BBOF1: variants seen among roughly 807,000 people sequenced by gnomAD.
BBOF1 encodes basal body orientation factor 1, also known as basal body-orientation factor 1.
In BBOF1, 62 loss-of-function variants were observed where a neutral mutation model predicts 68.0. The ratio of observed to expected loss-of-function variants is 0.91; its 90% confidence interval spans 0.74 to 1.13. The LOEUF is 1.13. Among genes scored for constraint, BBOF1 ranks in the 50% most tolerant of loss-of-function variants. BBOF1 has a pLI of 0.00. For missense variants in BBOF1, 534 were observed against 600.1 expected (o/e 0.89, Z 1.15); for synonymous variants, 208 against 198.8 (o/e 1.05, Z -0.39).
intron 5 of BBOF1, among the ~76,000 whole-genome samples, chr14:74,045,577 G>A (rs2059930297): frequency 6.6e-6 from 1 of 152,148 alleles, no homozygotes; most frequent in African/African-American, 2.4e-5. Context: ...CCAAAATGTT[G>A]GGATTACAGG....
chr14:74,034,385 C>A (rs775286718), intron 4 of BBOF1, among the ~76,000 whole-genome samples: 3 of 152,154 alleles, frequency 2.0e-5, no homozygotes, highest in Non-Finnish European at 2.9e-5. Context: ...TGGGAACTCA[C>A]CAAATCTCAG....
At chr14:74,082,754 T>G (rs1010902272) in intron 12 of BBOF1, 2 of 152,176 alleles carry the variant, frequency 1.3e-5, no homozygotes, top group African/African-American at 4.8e-5. Flanking sequence ...CAACTCCTAG[T>G]TGGCTGAGGA....
chr14:74,036,509 C>T (rs1026946391), intron 4 of BBOF1, among the ~76,000 whole-genome samples: 1 of 151,836 alleles, frequency 6.6e-6, no homozygotes, highest in African/African-American at 2.4e-5. Flanking sequence ...ATGGCAAAAC[C>T]CTGTCTCTAC....
intron 1 of BBOF1, among the ~76,000 whole-genome samples, chr14:74,020,384 A>G (rs1282520118): frequency 1.3e-5 from 2 of 152,202 alleles, no homozygotes; most frequent in South Asian, 4.1e-4. Context: ...AATGAGGAAC[A>G]CTAAGGGTAA....
chr14:74,027,909 T>C (rs2059471097), intron 2 of BBOF1, among the ~76,000 whole-genome samples: 1 of 152,130 alleles, frequency 6.6e-6, no homozygotes, highest in African/African-American at 2.4e-5. Context: ...AGGGTTGTAT[T>C]GTAGACAAGA....
At chr14:74,030,935 T>TAG (rs200204112) in intron 3 of BBOF1, among the ~76,000 whole-genome samples, 2,000 of 146,766 alleles carry the variant, frequency 0.014, 24 homozygotes, top group African/African-American at 0.031. Flanking sequence ...TATATATATA[T>TAG]ATATAGAGAG....
chr14:74,030,311 C>T (rs2059535503), intron 3 of BBOF1, among the ~76,000 whole-genome samples: 1 of 151,912 alleles, frequency 6.6e-6, no homozygotes, highest in African/African-American at 2.4e-5. Flanking sequence ...GCCTCAGCCT[C>T]CCGAGTAGCT....
At chr14:74,066,492 T>C (rs1215552765), downstream of BBOF1, among the ~76,000 whole-genome samples, 2 of 152,144 alleles carry the variant, frequency 1.3e-5, no homozygotes, top group Non-Finnish European at 2.9e-5. Context: ...TATCCCTTTA[T>C]GGAAAGTCTG....
At chr14:74,082,295 A>G (rs1176780836) in intron 12 of BBOF1, among the ~76,000 whole-genome samples, 1 of 152,166 alleles carries the variant, frequency 6.6e-6, no homozygotes, top group Non-Finnish European at 1.5e-5. Flanking sequence ...CGTGGCAGAG[A>G]AAAATAAGCT....
At chr14:74,075,068 T>C in intron 9 of BBOF1, 1 of 1,575,952 alleles carries the variant, frequency 6.3e-7, no homozygotes, top group Non-Finnish European at 8.7e-7. Flanking sequence ...GAAAGTTATT[T>C]AAAATTTAGC....
At chr14:74,030,604 T>C (rs2059542530) in intron 3 of BBOF1, among the ~76,000 whole-genome samples, 1 of 151,850 alleles carries the variant, frequency 6.6e-6, no homozygotes, top group Non-Finnish European at 1.5e-5. Context: ...CACACCATTC[T>C]CCTGCCTCAG....
intron 9 of BBOF1, among the ~76,000 whole-genome samples, chr14:74,075,856 G>GA (rs1191333496): frequency 6.6e-6 from 1 of 152,096 alleles, no homozygotes; most frequent in East Asian, 1.9e-4. Context: ...GGTGAATAAG[G>GA]AAACTAATGT....
Position 74,049,849 on chromosome 14 carries a change from C to A in BBOF1, c.940C>A (p.Gln314Lys). The A allele has an allele frequency of 6.2e-7, 1 of 1,614,102 alleles. No individual in the cohort carries two copies. Among genetic ancestry groups the A allele is most frequent in the African/African-American group, 1.3e-5 (1 of 75,028 alleles). Reference sequence around the variant, plus strand: ...GTTTGAGAGTGAAGTTTTAAAACTGCAGCAACACGCAATGATAGAGAACCA... The same window carrying A: ...GTTTGAGAGTGAAGTTTTAAAACTGAAGCAACACGCAATGATAGAGAACCA... ...KEFESEVLKL[Q>K]QHAMIENQAG... Residue 314 changes from glutamine (Q) to lysine (K), a missense_variant, in exon 8 of 12, where the codon CAG becomes AAG. Transcript: ENST00000394009.
chr14:74,062,067 A>G (rs911956313), intron 11 of BBOF1, among the ~76,000 whole-genome samples: 3 of 147,928 alleles, frequency 2.0e-5, no homozygotes, highest in Non-Finnish European at 3.0e-5. Flanking sequence ...AAAAAAAAAA[A>G]AAAAAAAAAA....
intron 4 of BBOF1, among the ~76,000 whole-genome samples, chr14:74,035,413 CTTTT>C (rs35957144): frequency 3.1e-5 from 3 of 97,364 alleles, no homozygotes; most frequent in Non-Finnish European, 4.0e-5. Context: ...CATATGGGCC[CTTTT>C]TTTTTTTTTT....
chr14:74,041,017 T>C (rs1033554311), intron 5 of BBOF1, among the ~76,000 whole-genome samples: 2 of 152,122 alleles, frequency 1.3e-5, no homozygotes, highest in Non-Finnish European at 2.9e-5. Flanking sequence ...CTAAAGATGT[T>C]AATAAAAAAT....
intron 6 of BBOF1, chr14:74,046,697 T>TG (rs2059959168): frequency 1.3e-5 from 2 of 152,586 alleles, no homozygotes; most frequent in Non-Finnish European, 2.9e-5. Flanking sequence ...GTTCTCAACA[T>TG]GTATACTAAC....
chr14:74,037,588 C>T (rs1293436245), intron 4 of BBOF1, among the ~76,000 whole-genome samples: 1 of 151,488 alleles, frequency 6.6e-6, no homozygotes, highest in Non-Finnish European at 1.5e-5. Context: ...CCATGCCCAG[C>T]CACCTGTCTT....
In BBOF1 at chr14:74,023,074, G is replaced by A; in HGVS notation, c.215G>A (p.Cys72Tyr). ...KSNEDLKKKQ[C>Y]KMEKDIMSVL... ...AATGAGGACTTAAAGAAAAAGCAAT[G>A]TAAAATGGAGAAAGACATAATGTCA... The change falls in exon 2 of 12, where the codon TGT (cysteine) becomes TAT (tyrosine). Residue 72 changes from cysteine (C) to tyrosine (Y), a missense_variant. Coordinates refer to ENST00000394009, the MANE Select transcript of BBOF1 (RefSeq NM_025057.3). 1 of 1,605,150 alleles carries A rather than the reference G, an allele frequency of 6.2e-7. No homozygotes were observed. The highest frequency in any genetic ancestry group is 8.5e-7 in the Non-Finnish European group (1 of 1,175,618).
Sources: gnomAD v4.1 joint callset for allele counts (sites outside exome capture counted in the v4.1 genomes callset) on GRCh38, gnomAD v4.1.1 for gene constraint, MANE v1.5 for transcripts, NCBI Gene and HGNC (gene_info 2026-07-23, HGNC 2026-07-21) for gene names.